SPTB: variants seen among roughly 807,000 people sequenced by gnomAD.
SPTB encodes spectrin beta chain, erythrocytic.
Under a neutral mutation model 256.2 loss-of-function variants are expected in SPTB, and 45 were observed. That is an observed-to-expected ratio of 0.18 (90% confidence interval 0.14 to 0.23). The LOEUF is 0.23. SPTB is among the 10% of genes least tolerant of loss of function. The probability of loss-of-function intolerance (pLI) is 1.00; values close to 1 mark genes in which losing one functional copy is unlikely to be tolerated. For missense variants in SPTB, 2,715 were observed against 3,040.4 expected (o/e 0.89, Z 2.52); for synonymous variants, 1,231 against 1,243.1 (o/e 0.99, Z 0.21).
intron 1 of SPTB, among the ~76,000 whole-genome samples, chr14:64,875,010 T>C (rs1433730356): frequency 6.6e-6 from 1 of 152,186 alleles, no homozygotes; most frequent in Non-Finnish European, 1.5e-5. Context: ...GGAAGCCCAC[T>C]TTTGCCCCCA....
intron 1 of SPTB, among the ~76,000 whole-genome samples, chr14:64,872,692 C>A (rs1258439507): frequency 6.6e-6 from 1 of 152,180 alleles, no homozygotes; most frequent in East Asian, 1.9e-4. Flanking sequence ...GTGTCCCCAC[C>A]CAAATCTCAT....
intron 1 of SPTB, among the ~76,000 whole-genome samples, chr14:64,835,683 C>T (rs2083513653): frequency 6.6e-6 from 1 of 152,212 alleles, no homozygotes; most frequent in African/African-American, 2.4e-5. Context: ...CGCTCTGCTG[C>T]TCAGGAGGGA....
At position 64,786,991 on chromosome 14, in the gene SPTB, C is replaced by T. The variant is rs776814615; in HGVS notation, c.2974G>A (p.Ala992Thr). ...AGCCCTGACAACTTCCTCTGGATGG[C>T]GATGATACCTGCCAGGTCCCGCCCC... Reference protein sequence around the residue: ...DLGRDLAGIIAIQRKLSGLER... With the variant: ...DLGRDLAGIITIQRKLSGLER... The change falls in exon 16 of 36, where the codon GCC becomes ACC. Residue 992 changes from alanine (A) to threonine (T), a missense_variant. Physicochemically the swap from Ala to Thr is moderately conservative, Grantham distance 58. Coordinates refer to ENST00000644917, the MANE Select transcript of SPTB (RefSeq NM_001355436.2). The surrounding 1 kb of genome is among the most constrained non-coding windows in gnomAD (Gnocchi z 5.6). 20 of 1,613,972 alleles carry T rather than the reference C, an allele frequency of 1.2e-5. No individual in the cohort carries two copies. In the Middle Eastern group the frequency reaches 4.9e-4, roughly 40 times the overall value.
intron 3 of SPTB, among the ~76,000 whole-genome samples, chr14:64,804,273 G>A (rs1406844337): frequency 2.0e-5 from 3 of 152,198 alleles, no homozygotes; most frequent in African/African-American, 7.2e-5. Context: ...TCAATGCAGG[G>A]TGAGAGGCAG....
chr14:64,858,051 G>A (rs1299197114), intron 1 of SPTB, among the ~76,000 whole-genome samples: 2 of 152,200 alleles, frequency 1.3e-5, no homozygotes, highest in African/African-American at 4.8e-5. Context: ...GGAGGAAAAT[G>A]AAGATCAGAA....
intron 1 of SPTB, among the ~76,000 whole-genome samples, chr14:64,879,108 A>G (rs1215655944): frequency 6.6e-6 from 1 of 152,216 alleles, no homozygotes; most frequent in African/African-American, 2.4e-5. Flanking sequence ...GGGTGAGGGT[A>G]GAGTAGCCCG....
chr14:64,872,457 C>T (rs1349938363), intron 1 of SPTB, among the ~76,000 whole-genome samples: 1 of 152,170 alleles, frequency 6.6e-6, no homozygotes, highest in Non-Finnish European at 1.5e-5. Context: ...GACACAAATC[C>T]CAACAAGTCA....
chr14:64,800,700 G>T, intron 8 of SPTB, 56 bp downstream of exon 8: 2 of 1,490,362 alleles, frequency 1.3e-6, no homozygotes, highest in African/African-American at 1.4e-5. Context: ...GGGCCACTCT[G>T]TCTGGACCTG....
At chr14:64,836,819 A>T (rs367242) in intron 1 of SPTB, among the ~76,000 whole-genome samples, 3 of 152,234 alleles carry the variant, frequency 2.0e-5, no homozygotes, top group African/African-American at 7.2e-5. Context: ...AGATGTAACT[A>T]TCCACCTTCC....
rs768594625 is a variant in SPTB, at chr14:64,823,702, G to T, written c.-51-557C>A. Among the ~76,000 whole-genome samples, 6 of 152,304 alleles carry T rather than the reference G, an allele frequency of 3.9e-5. No individual in the cohort carries two copies. The highest frequency in any genetic ancestry group is 3.9e-4 in the Admixed American group (6 of 15,302). ...CAGCCCGGGGCAGCTGCACTGGGGG[G>T]ACTTCACTCCTCCCGGAGGCTTTCT... On this transcript the variant is annotated intron_variant, in intron 1 of 35. Transcript: ENST00000644917. This position sits in a 1 kb window ranked among gnomAD's most constrained non-coding sequence, Gnocchi z 6.5.
At chr14:64,814,452 TATTAAATATA>T (rs2083152527) in intron 2 of SPTB, among the ~76,000 whole-genome samples, 3 of 152,214 alleles carry the variant, frequency 2.0e-5, no homozygotes, top group Non-Finnish European at 2.9e-5. Flanking sequence ...ATATTTTCTA[TATTAAATATA>T]TATTCTTGTT....
Position 64,796,490 on chromosome 14 carries a change from C to A in SPTB, c.1341+67G>T, listed in dbSNP as rs2082771441. On this transcript the variant is annotated intron_variant, in intron 11 of 35. Coordinates refer to ENST00000644917, the MANE Select transcript of SPTB (RefSeq NM_001355436.2). The surrounding 1 kb of genome is among the most constrained non-coding windows in gnomAD (Gnocchi z 4.1). Reference sequence around the variant, plus strand: ...GTGAGAAGCCAGCTTGGACTCCAGCCCAGCCAAGAGCTGGGGGCTCTGAAG... The same window carrying A: ...GTGAGAAGCCAGCTTGGACTCCAGCACAGCCAAGAGCTGGGGGCTCTGAAG... 14 of 1,609,956 alleles carry A rather than the reference C, an allele frequency of 8.7e-6. No homozygotes were observed. Among genetic ancestry groups the A allele is most frequent in the Non-Finnish European group, 1.2e-5 (14 of 1,178,232 alleles).
intron 27 of SPTB, 132 bp downstream of exon 27, chr14:64,770,753 C>A: frequency 7.0e-7 from 1 of 1,418,556 alleles, no homozygotes; most frequent in East Asian, 2.3e-5. Context: ...CCTCAAGTGT[C>A]CCCCAGGGAT....
At position 64,775,325 on chromosome 14, in the gene SPTB, C is replaced by T; in HGVS notation, c.4642G>A (p.Ala1548Thr). 3 of 1,613,134 alleles carry T rather than the reference C, an allele frequency of 1.9e-6. No homozygotes were observed. Among genetic ancestry groups the T allele is most frequent in the Non-Finnish European group, 2.5e-6 (3 of 1,179,612 alleles). The change falls in exon 23 of 36, where the codon GCG becomes ACG. Residue 1548 changes from alanine to threonine, a missense_variant. Ala to Thr is a moderately conservative substitution (Grantham distance 58, BLOSUM62 0). Coordinates refer to ENST00000644917, the MANE Select transcript of SPTB (RefSeq NM_001355436.2). This position sits in a 1 kb window ranked among gnomAD's most constrained non-coding sequence, Gnocchi z 5.0. ...TCAAGGTCCTGGCAGTCGATCTCCGCCGCCTCCACCAGCTGCTGCCCTCTC... is the reference window on the plus strand; with the variant it reads ...TCAAGGTCCTGGCAGTCGATCTCCGTCGCCTCCACCAGCTGCTGCCCTCTC... ...LQRGQQLVEAAEIDCQDLEER... is the reference protein window; with the variant it reads ...LQRGQQLVEATEIDCQDLEER...
chr14:64,779,691 C>T lies in SPTB; in HGVS notation c.4473+34G>A. 5 of 1,613,688 alleles carry T rather than the reference C, an allele frequency of 3.1e-6. No homozygotes were observed. The highest frequency in any genetic ancestry group is 4.2e-6 in the Non-Finnish European group (5 of 1,179,748). On this transcript the variant is annotated intron_variant, in intron 21 of 35. Transcript: ENST00000644917. The surrounding 1 kb of genome is among the most constrained non-coding windows in gnomAD (Gnocchi z 4.2). ...CTCTGATGGCAGCTGGTGGCTCAGC[C>T]TCAGGAGGTAGGGAGAAGCTGTGGC... is the stretch of plus-strand genomic sequence containing the variant.
In SPTB at chr14:64,749,555, T is replaced by A. The variant is rs983878573; in HGVS notation, c.6820-82A>T. On this transcript the variant is annotated intron_variant, in intron 35 of 35. Transcript: ENST00000644917. The surrounding 1 kb of genome is among the most constrained non-coding windows in gnomAD (Gnocchi z 4.7). ...GCCAGGCAACAATGGTGGGGGCTCTTGGGACTGCCCCTTCTGAGGGGGCCT... is the reference window on the plus strand; with the variant it reads ...GCCAGGCAACAATGGTGGGGGCTCTAGGGACTGCCCCTTCTGAGGGGGCCT... 1 of 1,603,368 alleles carries A rather than the reference T, an allele frequency of 6.2e-7. No homozygotes were observed. The highest frequency in any genetic ancestry group is 8.5e-7 in the Non-Finnish European group (1 of 1,178,518).
rs1375359503 is a variant in SPTB, at chr14:64,796,292, C to T, written c.1341+265G>A. 6.6e-6 allele frequency among the ~76,000 whole-genome samples: 1 copy of T among 152,200 alleles called. No homozygotes were observed. The highest frequency in any genetic ancestry group is 1.5e-5 in the Non-Finnish European group (1 of 68,040). Reference sequence around the variant, plus strand: ...CACAATTTAACATCAACTGAAACCCCAGCTGTAGTTGACACTACAGGCCCA... The same window carrying T: ...CACAATTTAACATCAACTGAAACCCTAGCTGTAGTTGACACTACAGGCCCA... On this transcript the variant is annotated intron_variant, in intron 11 of 35. Transcript: ENST00000644917. This position sits in a 1 kb window ranked among gnomAD's most constrained non-coding sequence, Gnocchi z 4.1.
intron 1 of SPTB, among the ~76,000 whole-genome samples, chr14:64,843,063 T>C (rs2083632668): frequency 6.6e-6 from 1 of 151,166 alleles, no homozygotes; most frequent in African/African-American, 2.4e-5. Context: ...AGACCCTGTC[T>C]CAAAAAAAAA....
chr14:64,853,421 G>C lies in SPTB; in HGVS notation c.-52+26371C>G, dbSNP rs1301476512. Among the ~76,000 whole-genome samples, 1 of 152,188 alleles carries C rather than the reference G, an allele frequency of 6.6e-6. No homozygotes were observed. Among genetic ancestry groups the C allele is most frequent in the Non-Finnish European group, 1.5e-5 (1 of 68,038 alleles). Reference sequence around the variant, plus strand: ...AGCAATTTAGGAGATAACCATATCAGGAAGCCTCAGGGGAGGAAATTTCCA... The same window carrying C: ...AGCAATTTAGGAGATAACCATATCACGAAGCCTCAGGGGAGGAAATTTCCA... On this transcript the variant is annotated intron_variant, in intron 1 of 35. Transcript: ENST00000644917. This position sits in a 1 kb window ranked among gnomAD's most constrained non-coding sequence, Gnocchi z 4.3.
Sources: gnomAD v4.1 joint callset for allele counts (sites outside exome capture counted in the v4.1 genomes callset) on GRCh38, gnomAD v4.1.1 for gene constraint, Gnocchi (gnomAD v3.1) non-coding constraint, MANE v1.5 for transcripts, NCBI Gene and HGNC (gene_info 2026-07-23, HGNC 2026-07-21) for gene names.